Variants in DOCK11 observed in about 807,000 individuals in gnomAD.
DOCK11 encodes the protein dedicator of cytokinesis 11.
Under a neutral mutation model 169.1 loss-of-function variants are expected in DOCK11, and 70 were observed. That is an observed-to-expected ratio of 0.41 (90% CI 0.34 to 0.51). The LOEUF (loss-of-function observed/expected upper bound fraction) is 0.51. Among genes scored for constraint, DOCK11 ranks in the 20% least tolerant of loss-of-function variants. DOCK11 has a pLI of 0.10. For synonymous variants in DOCK11, 529 were observed against 541.3 expected (o/e 0.98, Z 0.32); for missense variants, 1,166 against 1,538.8 (o/e 0.76, Z 4.05).
intron 31 of DOCK11, among the ~76,000 whole-genome samples, chrX:118,619,654 T>C (rs1325368726): frequency 9.2e-6 from 1 of 108,983 alleles, no homozygotes; most frequent in African/African-American, 3.3e-5. Flanking sequence ...ATATATCATA[T>C]GTAAAATATG....
At chrX:118,516,087 CTTTTT>C (rs2057684618) in intron 1 of DOCK11, among the ~76,000 whole-genome samples, 1 of 63,732 alleles carries the variant, frequency 1.6e-5, no homozygotes, top group Non-Finnish European at 2.7e-5. Context: ...CTTTTCTTTT[CTTTTT>C]CTTTTTTTTT....
intron 5 of DOCK11, 56 bp from the exon 6 acceptor site, chrX:118,545,965 G>A (rs772099278): frequency 2.9e-5 from 25 of 872,618 alleles, no homozygotes; most frequent in Non-Finnish European, 3.0e-5. Context: ...TAAATGTTTC[G>A]CTAATTAGAT....
At chrX:118,581,672 C>T (rs1172388715) in intron 14 of DOCK11, among the ~76,000 whole-genome samples, 1 of 106,867 alleles carries the variant, frequency 9.4e-6, no homozygotes, top group African/African-American at 3.4e-5. Flanking sequence ...GGCATGGTGG[C>T]GTGCACCTGT....
intron 42 of DOCK11, among the ~76,000 whole-genome samples, chrX:118,653,545 TG>T (rs892443381): frequency 8.1e-5 from 9 of 110,913 alleles, no homozygotes; most frequent in Non-Finnish European, 1.5e-4. Context: ...CCCGAGTAGC[TG>T]GGATTACAGG....
intron 35 of DOCK11, among the ~76,000 whole-genome samples, chrX:118,631,902 T>C (rs2015252161): frequency 9.0e-6 from 1 of 110,940 alleles, no homozygotes; most frequent in African/African-American, 3.3e-5. Flanking sequence ...TCACATTCTA[T>C]ACTAACCAGA....
Position 118,572,423 on chromosome X carries a change from T to C in DOCK11, c.1136T>C (p.Leu379Ser). 1 of 1,206,628 alleles carries C rather than the reference T, an allele frequency of 8.3e-7. No individual in the cohort carries two copies. Among genetic ancestry groups the C allele is most frequent in the Non-Finnish European group, 1.1e-6 (1 of 892,512 alleles). ...TGCCATGATTTAACTTTCAATATCTTGGGCCAAATTGGAGACAATGCAAAA... is the reference window on the plus strand; with the variant it reads ...TGCCATGATTTAACTTTCAATATCTCGGGCCAAATTGGAGACAATGCAAAA... ...VNCHDLTFNI[L>S]GQIGDNAKGP... The change falls in exon 11 of 53, where the codon TTG (leucine) becomes TCG (serine). Residue 379 changes from leucine to serine, a missense_variant. By Grantham distance (145) the Leu-to-Ser change is moderately radical. Transcript: ENST00000276202.
intron 22 of DOCK11, among the ~76,000 whole-genome samples, chrX:118,598,871 G>A (rs1444749804): frequency 8.9e-6 from 1 of 111,794 alleles, no homozygotes; most frequent in East Asian, 2.8e-4. Flanking sequence ...TGGAGAAGCA[G>A]CCCAACTTCA....
At chrX:118,654,989 G>A (rs2016032408) in intron 44 of DOCK11, 28 bp downstream of exon 44, 1 of 1,163,487 alleles carries the variant, frequency 8.6e-7, no homozygotes. Context: ...TTAGAGATGG[G>A]GGGATTTTCA....
chrX:118,648,800 C>A, intron 40 of DOCK11, 145 bp from the exon 41 acceptor site: 1 of 444,549 alleles, frequency 2.2e-6, no homozygotes, highest in Non-Finnish European at 3.6e-6. Context: ...TTCAGGCTCT[C>A]TGGAGAGCAG....
chrX:118,595,895 C>T (rs1256301223), intron 20 of DOCK11, among the ~76,000 whole-genome samples: 1 of 110,639 alleles, frequency 9.0e-6, no homozygotes, highest in Non-Finnish European at 1.9e-5. Context: ...CTATCGGTTG[C>T]CAGGGGCTGG....
At chrX:118,499,750 C>G (rs2057561797) in intron 1 of DOCK11, among the ~76,000 whole-genome samples, 1 of 111,646 alleles carries the variant, frequency 9.0e-6, no homozygotes, top group Non-Finnish European at 1.9e-5. Context: ...TTCAGAGGCT[C>G]TCAATGAACT....
intron 45 of DOCK11, among the ~76,000 whole-genome samples, chrX:118,664,506 G>T (rs182154901): frequency 9.1e-6 from 1 of 110,440 alleles, no homozygotes; most frequent in Non-Finnish European, 1.9e-5. Context: ...TTAGCCAGAC[G>T]TGGTGGCACC....
chrX:118,518,188 T>C (rs1205555385), intron 1 of DOCK11, among the ~76,000 whole-genome samples: 1 of 111,988 alleles, frequency 8.9e-6, no homozygotes, highest in African/African-American at 3.2e-5. Flanking sequence ...TAAAAACAAA[T>C]GGATGGGAGA....
At chrX:118,583,387 C>A (rs1402165930) in intron 14 of DOCK11, among the ~76,000 whole-genome samples, 4 of 110,419 alleles carry the variant, frequency 3.6e-5, no homozygotes, top group Non-Finnish European at 7.6e-5. Context: ...GTGTAACAAA[C>A]CTGCACATTC....
At chrX:118,573,628 G>A (rs1603078375) in intron 11 of DOCK11, among the ~76,000 whole-genome samples, 178 bp from the exon 12 acceptor site, 1 of 111,797 alleles carries the variant, frequency 8.9e-6, no homozygotes, top group East Asian at 2.8e-4. Flanking sequence ...TGTTGTTTTG[G>A]AATGCCCTTT....
At chrX:118,623,882 A>G (rs1452684768) in intron 31 of DOCK11, among the ~76,000 whole-genome samples, 2 of 112,670 alleles carry the variant, frequency 1.8e-5, no homozygotes, top group Non-Finnish European at 3.7e-5. Context: ...ATATCTGGCG[A>G]GGAATGTCTA....
At chrX:118,634,840 T>C (rs2015346196) in intron 35 of DOCK11, among the ~76,000 whole-genome samples, 1 of 112,078 alleles carries the variant, frequency 8.9e-6, no homozygotes, top group Admixed American at 9.4e-5. Flanking sequence ...GCAATTCTCC[T>C]GCCTCAGCCT....
chrX:118,550,777 G>A (rs1569414096), intron 6 of DOCK11, among the ~76,000 whole-genome samples: 2 of 112,191 alleles, frequency 1.8e-5, no homozygotes, highest in African/African-American at 6.5e-5. Flanking sequence ...CTAAAGATGA[G>A]GTGAGCAGCT....
intron 12 of DOCK11, among the ~76,000 whole-genome samples, chrX:118,576,284 T>A (rs927640546): frequency 9.0e-6 from 1 of 111,158 alleles, no homozygotes; most frequent in Non-Finnish European, 1.9e-5. Flanking sequence ...AGAGTCGCCC[T>A]GGGGTGGGGA....
Sources: gnomAD v4.1 joint callset for allele counts (sites outside exome capture counted in the v4.1 genomes callset) on GRCh38, gnomAD v4.1.1 for gene constraint, MANE v1.5 for transcripts, NCBI Gene and HGNC (gene_info 2026-07-23, HGNC 2026-07-21) for gene names.